RIMBP2: variants seen among roughly 807,000 people sequenced by gnomAD.
RIMBP2 encodes the protein RIMS-binding protein 2.
Under a neutral mutation model 118.6 loss-of-function variants are expected in RIMBP2, and 48 were observed. The ratio of observed to expected loss-of-function variants is 0.40; its 90% CI spans 0.32 to 0.51. The LOEUF (loss-of-function observed/expected upper bound fraction) is 0.51. Among genes scored for constraint, RIMBP2 ranks in the 20% least tolerant of loss-of-function variants. The pLI is 0.41. For synonymous variants in RIMBP2, 762 were observed against 742.9 expected (o/e 1.03, Z -0.42); for missense variants, 1,551 against 1,768.3 (o/e 0.88, Z 2.20).
At chr12:130,604,042 C>A (rs1345599566) in intron 2 of RIMBP2, among the ~76,000 whole-genome samples, 5 of 152,134 alleles carry the variant, frequency 3.3e-5, no homozygotes, top group Non-Finnish European at 7.3e-5. Context: ...CCCCTGGAGA[C>A]CTTCCAGCAG....
chr12:130,596,326 T>G (rs7968068), intron 2 of RIMBP2, among the ~76,000 whole-genome samples: 27,003 of 151,930 alleles, frequency 0.18, 3,489 homozygotes, highest in East Asian at 0.36. Context: ...GGCGTTACTT[T>G]CATCTCCTCA....
At chr12:130,698,074 G>C (rs991013195) in intron 1 of RIMBP2, among the ~76,000 whole-genome samples, 3 of 152,206 alleles carry the variant, frequency 2.0e-5, no homozygotes, top group African/African-American at 7.2e-5. Flanking sequence ...GAGCTGTGCT[G>C]TGAGGCCCTT....
Position 130,463,841 on chromosome 12 carries a change from A to T in RIMBP2, c.153+6852T>A, listed in dbSNP as rs561326301. Among the ~76,000 whole-genome samples, 8 of 151,742 alleles carry T rather than the reference A, an allele frequency of 5.3e-5. No homozygotes were observed. In the East Asian group the frequency reaches 1.6e-3, roughly 29 times the overall value. On this transcript the variant is annotated intron_variant, in intron 6 of 22. Transcript: ENST00000690449. The stretch of plus-strand genomic sequence containing the variant: ...TCAGCACAAGATACAGGTCTCAAAG[A>T]CCCTGCTGATAAAACAGGGCGCAGT...
At chr12:130,543,268 T>C (rs1431112236) in intron 2 of RIMBP2, among the ~76,000 whole-genome samples, 1 of 152,206 alleles carries the variant, frequency 6.6e-6, no homozygotes, top group African/African-American at 2.4e-5. Context: ...TATCTTACTA[T>C]TTGAATTGGT....
chr12:130,515,374 T>TC (rs1189066592), intron 3 of RIMBP2, among the ~76,000 whole-genome samples: 1 of 151,946 alleles, frequency 6.6e-6, no homozygotes, highest in African/African-American at 2.4e-5. Context: ...CATCTCCCTA[T>TC]CCCCCCTCTA....
chr12:130,566,977 C>T (rs2057267633), intron 2 of RIMBP2, among the ~76,000 whole-genome samples: 1 of 152,054 alleles, frequency 6.6e-6, no homozygotes, highest in Admixed American at 6.6e-5. Context: ...TTAGGGTGGG[C>T]TTAAATGCAC....
chr12:130,599,207 A>G (rs2059730636), intron 2 of RIMBP2, among the ~76,000 whole-genome samples: 1 of 152,232 alleles, frequency 6.6e-6, no homozygotes, highest in Admixed American at 6.5e-5. Flanking sequence ...ACTTTAGATT[A>G]AACAACTTTT....
At chr12:130,533,848 C>A (rs960004082) in intron 2 of RIMBP2, among the ~76,000 whole-genome samples, 18 of 152,150 alleles carry the variant, frequency 1.2e-4, no homozygotes, top group African/African-American at 4.1e-4. Flanking sequence ...AGGAGCTAAA[C>A]AGTGTCTCCA....
chr12:130,412,682 C>T lies in RIMBP2; in HGVS notation c.3526G>A (p.Glu1176Lys), dbSNP rs1227614516. ...MVSEIQADDEEMMDQLLRQGF... is the reference protein window; with the variant it reads ...MVSEIQADDEKMMDQLLRQGF... ...TGTCTAAGAAGCTGATCCATCATCT[C>T]CTCATCATCTGCTTGTATCTCAGAG... is the stretch of plus-strand genomic sequence containing the variant. The change falls in exon 19 of 23, where the codon GAG becomes AAG. Residue 1176 changes from glutamate to lysine, a missense_variant. Glu to Lys is a moderately conservative substitution (Grantham distance 56). Around this residue, in one of 5 missense-constraint regions of RIMBP2, gnomAD observed 1,038 missense variants for 1,125.1 expected, o/e 0.92. Transcript: ENST00000690449. The T allele has an allele frequency of 6.2e-7, 1 of 1,613,750 alleles. No individual in the cohort carries two copies. The highest frequency in any genetic ancestry group is 1.3e-5 in the African/African-American group (1 of 74,848).
chr12:130,570,234 C>A (rs910363705), intron 2 of RIMBP2, among the ~76,000 whole-genome samples: 1 of 151,908 alleles, frequency 6.6e-6, no homozygotes, highest in South Asian at 2.1e-4. Flanking sequence ...GATGAGCCTG[C>A]GCAACATGGT....
chr12:130,580,949 T>TGTGTGTGTGTGTG (rs1555298087), intron 2 of RIMBP2, among the ~76,000 whole-genome samples: 2 of 108,582 alleles, frequency 1.8e-5, no homozygotes, highest in African/African-American at 3.5e-5. Context: ...GTGTGTGTGT[T>TGTGTGTGTGTGTG]TGTTTGTGTG....
In RIMBP2 at chr12:130,408,119, G is replaced by A. The variant is rs537360294; in HGVS notation, c.3590-290C>T. Reference sequence around the variant, plus strand: ...AACCAGTGAGACTCACATGAAGCACGGGGCTCTCGAACAGCAAATTTAGAC... The same window carrying A: ...AACCAGTGAGACTCACATGAAGCACAGGGCTCTCGAACAGCAAATTTAGAC... On this transcript the variant is annotated intron_variant, in intron 19 of 22. Coordinates refer to ENST00000690449, the MANE Select transcript of RIMBP2 (RefSeq NM_001393629.1). 1.8e-4 allele frequency among the ~76,000 whole-genome samples: 27 copies of A among 152,296 alleles called. No individual in the cohort carries two copies. The East Asian group carries it at 4.8e-3, about 27-fold the overall frequency.
chr12:130,491,369 T>C (rs1437884250), intron 4 of RIMBP2, among the ~76,000 whole-genome samples: 1 of 152,234 alleles, frequency 6.6e-6, no homozygotes, highest in Non-Finnish European at 1.5e-5. Flanking sequence ...CTCTGCTCTC[T>C]GCTGTCTAAG....
chr12:130,566,727 G>C (rs1410547246), intron 2 of RIMBP2, among the ~76,000 whole-genome samples: 2 of 152,232 alleles, frequency 1.3e-5, no homozygotes, highest in African/African-American at 2.4e-5. Flanking sequence ...AGGCAGCCAG[G>C]CTGCTTCTAG....
chr12:130,450,220 G>C lies in RIMBP2; in HGVS notation c.561C>G (p.His187Gln), dbSNP rs1334660376. Residue 187 changes from histidine (H) to glutamine (Q), a missense_variant, in exon 9 of 23, where the codon CAC (histidine) becomes CAG (glutamine). His to Gln is a conservative substitution (Grantham distance 24). Around this residue, in one of 5 missense-constraint regions of RIMBP2, gnomAD observed 239 missense variants for 256.8 expected, o/e 0.93. Coordinates refer to ENST00000690449, the MANE Select transcript of RIMBP2 (RefSeq NM_001393629.1). The surrounding 1 kb of genome is among the most constrained non-coding windows in gnomAD (Gnocchi z 4.8). The stretch of plus-strand genomic sequence containing the variant: ...CTTACCTATAGCGGGCAACACAGAG[G>C]TGGACCTTCCCCGAGTATCTCTGCT... ...TSKQRYSGKV[H>Q]LCVARYSYNP... 6.2e-7 allele frequency: 1 copy of C among 1,608,736 alleles called. No homozygotes were observed. The highest frequency in any genetic ancestry group is 1.3e-5 in the African/African-American group (1 of 74,862).
intron 2 of RIMBP2, among the ~76,000 whole-genome samples, chr12:130,520,925 A>G (rs976121047): frequency 7.2e-5 from 11 of 152,204 alleles, no homozygotes; most frequent in African/African-American, 2.7e-4. Context: ...CACGTTGTCC[A>G]TGCTTACCCT....
chr12:130,715,948 G>A (rs1400553642), intron 1 of RIMBP2, among the ~76,000 whole-genome samples: 1 of 152,086 alleles, frequency 6.6e-6, no homozygotes, highest in East Asian at 1.9e-4. Context: ...CTGACACCCG[G>A]CACCCAGGAA....
intron 17 of RIMBP2, among the ~76,000 whole-genome samples, chr12:130,418,473 G>A (rs897676898): frequency 8.5e-5 from 13 of 152,200 alleles, no homozygotes; most frequent in African/African-American, 3.1e-4. Flanking sequence ...TGAGAAGGAC[G>A]CCTGCTTTCC....
At chr12:130,699,373 A>G (rs1220966676) in intron 1 of RIMBP2, among the ~76,000 whole-genome samples, 2 of 152,184 alleles carry the variant, frequency 1.3e-5, no homozygotes, top group African/African-American at 2.4e-5. Context: ...TGTGGCACGT[A>G]TATACCATGG....
Sources: allele counts gnomAD v4.1 joint callset (sites outside exome capture counted in the v4.1 genomes callset), GRCh38; gene constraint gnomAD v4.1.1; regional missense constraint gnomAD v4.1.1; non-coding constraint Gnocchi (gnomAD v3.1); transcripts MANE v1.5; gene names NCBI Gene and HGNC (gene_info 2026-07-23, HGNC 2026-07-21).